PRKD1: variants seen among roughly 807,000 people sequenced by gnomAD.
PRKD1 encodes serine/threonine-protein kinase D1.
In PRKD1, 63 loss-of-function variants were observed where a neutral mutation model predicts 95.9. That is an observed-to-expected ratio of 0.66 (90% CI 0.54 to 0.81). The LOEUF is 0.81. Ranked by LOEUF, PRKD1 falls within the 30% of genes least tolerant of loss-of-function variation. The pLI, the probability that PRKD1 is intolerant of heterozygous loss-of-function variation, is 0.00. For synonymous variants in PRKD1, 425 were observed against 423.1 expected (o/e 1.00, Z -0.05); for missense variants, 1,048 against 1,165.3 (o/e 0.90, Z 1.47).
intron 1 of PRKD1, chr14:29,751,062 T>C (rs1465886285): frequency 1.3e-5 from 2 of 152,172 alleles, no homozygotes; most frequent in Non-Finnish European, 2.9e-5. Flanking sequence ...TTGTTCTCTA[T>C]GGTCAAGGTA....
At chr14:29,844,616 T>A (rs1444257145) in intron 1 of PRKD1, among the ~76,000 whole-genome samples, 1 of 152,250 alleles carries the variant, frequency 6.6e-6, no homozygotes, top group Non-Finnish European at 1.5e-5. Context: ...TATGGACATG[T>A]ATGTATATCA....
intron 4 of PRKD1, among the ~76,000 whole-genome samples, chr14:29,661,618 C>T (rs1390167332): frequency 6.6e-6 from 1 of 152,086 alleles, no homozygotes; most frequent in East Asian, 1.9e-4. Flanking sequence ...TGGGTAAAAA[C>T]AAAGACAAGT....
rs1005581350 is a variant in PRKD1, at chr14:29,634,534, T to C, written c.1198A>G (p.Thr400Ala). Reference sequence around the variant, plus strand: ...CTCATGAGTGGGATATTGTTGCTTGTTGATGGACTTGAGAAGTCAAAATAT... The same window carrying C: ...CTCATGAGTGGGATATTGTTGCTTGCTGATGGACTTGAGAAGTCAAAATAT... ...EDANRTISPS[T>A]SNNIPLMRVV... The change falls in exon 8 of 18, where the codon ACA (threonine) becomes GCA (alanine). Residue 400 changes from threonine to alanine, a missense_variant. By Grantham distance (58) the Thr-to-Ala change is moderately conservative. Transcript: ENST00000331968. 23 of 1,613,902 alleles carry C rather than the reference T, an allele frequency of 1.4e-5. No homozygotes were observed. The highest frequency in any genetic ancestry group is 1.9e-5 in the Non-Finnish European group (23 of 1,179,930).
At chr14:29,745,971 C>T (rs940700157) in intron 1 of PRKD1, among the ~76,000 whole-genome samples, 6 of 152,140 alleles carry the variant, frequency 3.9e-5, no homozygotes, top group African/African-American at 9.7e-5. Flanking sequence ...TTTACTGGGA[C>T]GGTCCGTTCC....
At chr14:29,636,158 G>A (rs45620434) in intron 7 of PRKD1, 132 bp downstream of exon 7, 24,348 of 1,075,694 alleles carry the variant, frequency 0.023, 326 homozygotes, top group Non-Finnish European at 0.026. Context: ...TTTACAGCAC[G>A]CAGTTCATTC....
chr14:29,644,017 G>A (rs775294582), intron 4 of PRKD1, among the ~76,000 whole-genome samples: 1 of 152,138 alleles, frequency 6.6e-6, no homozygotes, highest in Non-Finnish European at 1.5e-5. Flanking sequence ...TTGATAATAA[G>A]CTCCTATGGA....
At chr14:29,746,775 C>T (rs1039916357) in intron 1 of PRKD1, among the ~76,000 whole-genome samples, 1 of 152,140 alleles carries the variant, frequency 6.6e-6, no homozygotes, top group African/African-American at 2.4e-5. Flanking sequence ...CTACTAAAAG[C>T]AGCCTATTTT....
chr14:29,807,620 A>C (rs546174912), intron 1 of PRKD1, among the ~76,000 whole-genome samples: 1 of 151,552 alleles, frequency 6.6e-6, no homozygotes, highest in South Asian at 2.1e-4. Context: ...CTGGTCTCAC[A>C]CTTCTTGAGC....
intron 2 of PRKD1, among the ~76,000 whole-genome samples, chr14:29,679,819 T>G (rs1024293323): frequency 6.6e-6 from 1 of 151,000 alleles, no homozygotes; most frequent in African/African-American, 2.4e-5. Flanking sequence ...CCTCTGCCTC[T>G]CAGGTTCCAG....
chr14:29,845,559 T>C (rs1445732794), intron 1 of PRKD1, among the ~76,000 whole-genome samples: 1 of 152,152 alleles, frequency 6.6e-6, no homozygotes, highest in Non-Finnish European at 1.5e-5. Context: ...CACAAGTAAA[T>C]GGAAGATGGC....
chr14:29,581,616 C>T (rs537883152), intron 16 of PRKD1, among the ~76,000 whole-genome samples: 35 of 152,242 alleles, frequency 2.3e-4, no homozygotes, highest in African/African-American at 8.2e-4. Flanking sequence ...ATTAACTTAT[C>T]ATTGTAAGTG....
At position 29,821,169 on chromosome 14, in the gene PRKD1, A is replaced by G. The variant is rs181802819; in HGVS notation, c.265-95495T>C. ...TAATGAATTTTTACATGTTCACAAT[A>G]GATTTTAGGGTAACACTGAGGATAA... is the stretch of plus-strand genomic sequence containing the variant. On this transcript the variant is annotated intron_variant, in intron 1 of 17. Coordinates refer to ENST00000331968, the MANE Select transcript of PRKD1 (RefSeq NM_002742.3). 1.8e-3 allele frequency among the ~76,000 whole-genome samples: 274 copies of G among 152,326 alleles called. 2 individuals carry two copies. Among genetic ancestry groups the G allele is most frequent in the African/African-American group, 6.3e-3 (260 of 41,572 alleles).
chr14:29,643,118 A>G (rs141794443), intron 4 of PRKD1, among the ~76,000 whole-genome samples: 3 of 152,268 alleles, frequency 2.0e-5, no homozygotes, highest in African/African-American at 4.8e-5. Context: ...CATATGTTCT[A>G]TGAATTGGAG....
chr14:29,687,117 AT>A (rs1232707150), intron 2 of PRKD1, among the ~76,000 whole-genome samples: 3 of 151,936 alleles, frequency 2.0e-5, no homozygotes, highest in Non-Finnish European at 4.4e-5. Context: ...TCTGCAACAT[AT>A]TTCTTTTAAT....
intron 4 of PRKD1, among the ~76,000 whole-genome samples, chr14:29,643,573 A>G (rs1296334270): frequency 6.6e-6 from 1 of 152,232 alleles, no homozygotes; most frequent in African/African-American, 2.4e-5. Flanking sequence ...CAAGTTTGCA[A>G]CCTTCCCAGG....
At chr14:29,823,100 A>G (rs1890979408) in intron 1 of PRKD1, among the ~76,000 whole-genome samples, 1 of 152,150 alleles carries the variant, frequency 6.6e-6, no homozygotes, top group Admixed American at 6.5e-5. Flanking sequence ...CTTGGACTCC[A>G]CCTGGAAATA....
intron 1 of PRKD1, among the ~76,000 whole-genome samples, chr14:29,811,232 C>T (rs1415641962): frequency 6.6e-6 from 1 of 152,198 alleles, no homozygotes; most frequent in African/African-American, 2.4e-5. Context: ...TGACATCCTT[C>T]AGGCACAGGG....
chr14:29,756,255 C>T (rs1887692072), intron 1 of PRKD1, among the ~76,000 whole-genome samples: 1 of 152,080 alleles, frequency 6.6e-6, no homozygotes, highest in African/African-American at 2.4e-5. Context: ...TTGTACCAAG[C>T]TATGTTTAAA....
At chr14:29,647,585 T>C (rs1265564802) in intron 4 of PRKD1, among the ~76,000 whole-genome samples, 1 of 152,158 alleles carries the variant, frequency 6.6e-6, no homozygotes, top group African/African-American at 2.4e-5. Flanking sequence ...GGGTTTATGG[T>C]CTCACTGGAA....
Sources: allele counts gnomAD v4.1 joint callset (sites outside exome capture counted in the v4.1 genomes callset), GRCh38; gene constraint gnomAD v4.1.1; transcripts MANE v1.5; gene names NCBI Gene and HGNC (gene_info 2026-07-23, HGNC 2026-07-21).